Variants in CSMD1 observed in about 807,000 individuals in gnomAD.
CSMD1 encodes CUB and sushi domain-containing protein 1.
A neutral mutation model predicts 417.5 loss-of-function variants in CSMD1; 213 were observed. The ratio of observed to expected loss-of-function variants is 0.51; its 90% CI spans 0.46 to 0.57. CSMD1 has a LOEUF of 0.57. Among genes scored for constraint, CSMD1 ranks in the 20% least tolerant of loss-of-function variants. CSMD1 has a pLI of 0.00. For missense variants in CSMD1, 6,923 were observed against 4,529.7 expected (o/e 1.53, Z -15.17); for synonymous variants, 2,862 against 1,736.8 (o/e 1.65, Z -16.11).
intron 12 of CSMD1, 144 bp downstream of exon 12, chr8:3,468,568 A>C (rs1204010577): frequency 1.7e-6 from 1 of 579,836 alleles, no homozygotes; most frequent in Non-Finnish European, 3.1e-6. Flanking sequence ...GTGTTAGTAG[A>C]CTTTAAGGAA....
At chr8:4,443,660 G>T (rs989494158) in intron 2 of CSMD1, among the ~76,000 whole-genome samples, 4 of 152,158 alleles carry the variant, frequency 2.6e-5, no homozygotes, top group African/African-American at 9.6e-5. Context: ...TGCAGTTAAA[G>T]AAATAGCATT....
chr8:3,658,201 C>T (rs1798226787), intron 7 of CSMD1, among the ~76,000 whole-genome samples: 1 of 151,870 alleles, frequency 6.6e-6, no homozygotes, highest in Non-Finnish European at 1.5e-5. Flanking sequence ...AAACTGTATT[C>T]AAATATGACT....
chr8:4,558,685 G>A (rs1328985556), intron 2 of CSMD1, among the ~76,000 whole-genome samples: 2 of 152,066 alleles, frequency 1.3e-5, no homozygotes, highest in Non-Finnish European at 2.9e-5. Context: ...TGGCCAACAT[G>A]GTGAAACTCC....
chr8:4,825,841 G>C (rs756975521), intron 1 of CSMD1, among the ~76,000 whole-genome samples: 17 of 148,928 alleles, frequency 1.1e-4, no homozygotes, highest in Middle Eastern at 3.5e-3. Context: ...ATGGGCAAAA[G>C]ACACTTCTCT....
chr8:4,121,009 G>C (rs954069545), intron 3 of CSMD1, among the ~76,000 whole-genome samples: 2 of 152,086 alleles, frequency 1.3e-5, no homozygotes, highest in African/African-American at 4.8e-5. Context: ...TGATGGCTTG[G>C]TTTATTAAAC....
intron 1 of CSMD1, among the ~76,000 whole-genome samples, chr8:4,775,341 G>A (rs1361713606): frequency 2.0e-5 from 3 of 152,110 alleles, no homozygotes; most frequent in Non-Finnish European, 4.4e-5. Flanking sequence ...TAGATGGAAG[G>A]AACACTACGA....
intron 3 of CSMD1, among the ~76,000 whole-genome samples, chr8:4,324,129 C>T (rs915787843): frequency 1.3e-5 from 2 of 152,172 alleles, no homozygotes; most frequent in African/African-American, 4.8e-5. Flanking sequence ...CCTGCCTTAA[C>T]TGCTGCTGTG....
chr8:4,167,973 C>CA (rs1267867858), intron 3 of CSMD1, among the ~76,000 whole-genome samples: 3 of 151,696 alleles, frequency 2.0e-5, no homozygotes, highest in African/African-American at 7.3e-5. Flanking sequence ...ACTAAAAATA[C>CA]AAAAAATTAG....
intron 6 of CSMD1, among the ~76,000 whole-genome samples, chr8:3,717,930 G>T (rs73187206): frequency 0.1 from 15,446 of 152,132 alleles, 894 homozygotes; most frequent in East Asian, 0.24. Flanking sequence ...CTTTAGTCAA[G>T]GCTGTTAATC....
chr8:4,101,258 C>G (rs1014467014), intron 3 of CSMD1, among the ~76,000 whole-genome samples: 1 of 152,166 alleles, frequency 6.6e-6, no homozygotes, highest in Non-Finnish European at 1.5e-5. Flanking sequence ...GAGGTTAACT[C>G]ATTGCAACAC....
chr8:3,746,731 C>A (rs1797081407), intron 6 of CSMD1, among the ~76,000 whole-genome samples: 1 of 152,172 alleles, frequency 6.6e-6, no homozygotes, highest in South Asian at 2.1e-4. Flanking sequence ...GTGTATTTCT[C>A]CTATCCTTAC....
intron 10 of CSMD1, among the ~76,000 whole-genome samples, chr8:3,512,136 C>T (rs964178088): frequency 3.3e-5 from 5 of 152,324 alleles, no homozygotes; most frequent in East Asian, 1.9e-4. Flanking sequence ...GCCCCAACCA[C>T]GCTCATAGCA....
chr8:4,680,295 G>C (rs1331814651), intron 1 of CSMD1, among the ~76,000 whole-genome samples: 1 of 152,094 alleles, frequency 6.6e-6, no homozygotes. Flanking sequence ...AGGAAAATTC[G>C]ACCGAAAAAG....
intron 23 of CSMD1, among the ~76,000 whole-genome samples, chr8:3,339,813 C>A (rs1807524124): frequency 6.6e-6 from 1 of 152,058 alleles, no homozygotes; most frequent in African/African-American, 2.4e-5. Flanking sequence ...ACTCATTGTC[C>A]CCGATTTCAC....
At chr8:4,916,030 G>T (rs1052780085) in intron 1 of CSMD1, among the ~76,000 whole-genome samples, 1 of 152,140 alleles carries the variant, frequency 6.6e-6, no homozygotes, top group South Asian at 2.1e-4. Context: ...CTCGTTCATA[G>T]AATACACTAG....
intron 23 of CSMD1, among the ~76,000 whole-genome samples, chr8:3,311,642 G>A (rs970100988): frequency 2.6e-5 from 4 of 152,246 alleles, no homozygotes; most frequent in African/African-American, 9.6e-5. Flanking sequence ...TGGTTGCATG[G>A]GTGCCCAAAG....
At chr8:4,119,740 G>A (rs534971786) in intron 3 of CSMD1, among the ~76,000 whole-genome samples, 78 of 152,332 alleles carry the variant, frequency 5.1e-4, no homozygotes, top group African/African-American at 1.8e-3. Context: ...CCTCCAAACA[G>A]TGGGAAATGA....
At chr8:3,257,512 A>G (rs1256279119) in intron 26 of CSMD1, among the ~76,000 whole-genome samples, 4 of 152,238 alleles carry the variant, frequency 2.6e-5, no homozygotes, top group Non-Finnish European at 5.9e-5. Context: ...GCGTTGGGAT[A>G]AAGAAGACAG....
At chr8:4,766,240 G>A (rs549553274) in intron 1 of CSMD1, among the ~76,000 whole-genome samples, 1 of 152,282 alleles carries the variant, frequency 6.6e-6, no homozygotes, top group Non-Finnish European at 1.5e-5. Context: ...CAAGTGGAAT[G>A]AGGTATGGAG....
Sources: allele counts gnomAD v4.1 joint callset (sites outside exome capture counted in the v4.1 genomes callset), GRCh38; gene constraint gnomAD v4.1.1; transcripts MANE v1.5; gene names NCBI Gene and HGNC (gene_info 2026-07-23, HGNC 2026-07-21).